TYW1B: variants seen among roughly 807,000 people sequenced by gnomAD.
The protein encoded by TYW1B is tRNA-yW synthesizing protein 1 homolog B, also known as S-adenosyl-L-methionine-dependent tRNA 4-demethylwyosine synthase TYW1B.
In TYW1B, 73 loss-of-function variants were observed where a neutral mutation model predicts 86.9. The observed-to-expected ratio is 0.84, with a 90% CI of 0.70 to 1.02. TYW1B has a LOEUF of 1.02. Ranked by LOEUF, TYW1B falls within the 50% of genes least tolerant of loss-of-function variation. The pLI is 0.00. For missense variants in TYW1B, 637 were observed against 827.4 expected (o/e 0.77, Z 2.82); for synonymous variants, 248 against 292.8 (o/e 0.85, Z 1.56).
At position 72,807,189 on chromosome 7, in the gene TYW1B, C is replaced by G. The variant is rs781985723; in HGVS notation, c.600G>C (p.Gly200=). ...FISQLQALQK[G]ERKKSCGGHC... is the part of the protein sequence containing the mutation. ...GGCCGCCACAGGACTTCTTTCTCTCCCCTTTCTGAAGTGCCTGCAGCTGGG... is the reference window on the plus strand; with the variant it reads ...GGCCGCCACAGGACTTCTTTCTCTCGCCTTTCTGAAGTGCCTGCAGCTGGG... Residue 200 remains glycine, a synonymous_variant, in exon 5 of 14, where the codon GGG becomes GGC. Coordinates refer to ENST00000620995, the MANE Select transcript of TYW1B (RefSeq NM_001145440.3). 1 of 1,613,976 alleles carries G rather than the reference C, an allele frequency of 6.2e-7. No homozygotes were observed. The highest frequency in any genetic ancestry group is 8.5e-7 in the Non-Finnish European group (1 of 1,179,958).
chr7:72,802,600 G>A (rs760788552), intron 5 of TYW1B, 78 bp from the exon 6 acceptor site: 8 of 1,562,014 alleles, frequency 5.1e-6, no homozygotes, highest in Admixed American at 2.1e-5. Flanking sequence ...CCCACACTGA[G>A]AATTCACTAT....
At chr7:72,773,712 G>T (rs1475788518) in intron 7 of TYW1B, among the ~76,000 whole-genome samples, 2 of 152,130 alleles carry the variant, frequency 1.3e-5, no homozygotes, top group African/African-American at 4.8e-5. Flanking sequence ...ACCATTTTTG[G>T]AAGACTAGAC....
intron 4 of TYW1B, among the ~76,000 whole-genome samples, chr7:72,809,999 C>CAAA (rs59099398): frequency 1.3e-5 from 1 of 75,944 alleles, no homozygotes; most frequent in African/African-American, 4.3e-5. Context: ...ACTCTGTTTC[C>CAAA]AAAAAAAAAA....
At chr7:72,810,999 C>CTT (rs1788600635) in intron 3 of TYW1B, among the ~76,000 whole-genome samples, 2 of 151,946 alleles carry the variant, frequency 1.3e-5, no homozygotes, top group Non-Finnish European at 2.9e-5. Flanking sequence ...AGGCCGGGTG[C>CTT]GGTGGCTCAA....
chr7:72,707,158 C>T (rs1554453809), intron 10 of TYW1B, among the ~76,000 whole-genome samples: 1 of 152,240 alleles, frequency 6.6e-6, no homozygotes, highest in Non-Finnish European at 1.5e-5. Context: ...TGACTTGAAG[C>T]TCCGCTGTGT....
chr7:72,778,059 G>C (rs185384110), intron 6 of TYW1B, among the ~76,000 whole-genome samples: 1 of 152,112 alleles, frequency 6.6e-6, no homozygotes, highest in Admixed American at 6.6e-5. Context: ...ATGCTCTTTT[G>C]TTAAGTAACT....
chr7:72,793,622 T>C (rs1239748345), intron 6 of TYW1B, among the ~76,000 whole-genome samples: 1 of 148,334 alleles, frequency 6.7e-6, no homozygotes, highest in Non-Finnish European at 1.5e-5. Context: ...CAGGCATGGT[T>C]GCAGGCGCCT....
intron 6 of TYW1B, among the ~76,000 whole-genome samples, chr7:72,798,199 C>T (rs1473125968): frequency 4.6e-5 from 7 of 151,744 alleles, no homozygotes; most frequent in African/African-American, 1.5e-4. Context: ...GTCAGGAGAT[C>T]GAGACCACGG....
chr7:72,808,585 T>C (rs1788539865), intron 4 of TYW1B, among the ~76,000 whole-genome samples: 1 of 147,768 alleles, frequency 6.8e-6, no homozygotes, highest in African/African-American at 2.5e-5. Context: ...TGGAGTGCAA[T>C]GGCACGACCT....
intron 3 of TYW1B, among the ~76,000 whole-genome samples, chr7:72,814,084 G>A (rs1310534108): frequency 1.1e-4 from 17 of 151,320 alleles, no homozygotes; most frequent in Non-Finnish European, 1.9e-4. Context: ...CTCTGATTCC[G>A]AAACCCATAC....
chr7:72,586,613 C>T (rs531694146), intron 13 of TYW1B, among the ~76,000 whole-genome samples: 2,026 of 151,460 alleles, frequency 0.013, 39 homozygotes, highest in African/African-American at 0.044. Context: ...GGTGCATGCC[C>T]GTAATCCCAG....
chr7:72,691,583 G>A (rs1461128902), intron 11 of TYW1B, among the ~76,000 whole-genome samples: 20 of 152,162 alleles, frequency 1.3e-4, no homozygotes, highest in African/African-American at 4.8e-4. Flanking sequence ...TTAAGCTATT[G>A]TGTTAATGTT....
chr7:72,637,466 T>A (rs1295686976), intron 11 of TYW1B, among the ~76,000 whole-genome samples: 4 of 152,026 alleles, frequency 2.6e-5, no homozygotes, highest in African/African-American at 9.7e-5. Context: ...CTATAGGATC[T>A]ATAGTGATGT....
chr7:72,701,229 T>C (rs1316001264), intron 10 of TYW1B, among the ~76,000 whole-genome samples: 56 of 152,186 alleles, frequency 3.7e-4, no homozygotes, highest in African/African-American at 1.3e-3. Flanking sequence ...TGTTTCTTTG[T>C]ATATCTTGTC....
chr7:72,800,321 C>G (rs1406542249), intron 6 of TYW1B, among the ~76,000 whole-genome samples: 1 of 151,992 alleles, frequency 6.6e-6, no homozygotes, highest in African/African-American at 2.4e-5. Context: ...CCTCAGCCTC[C>G]CAAGCAGTTG....
chr7:72,727,378 G>A (rs1399280071), intron 9 of TYW1B, among the ~76,000 whole-genome samples: 1 of 152,146 alleles, frequency 6.6e-6, no homozygotes, highest in African/African-American at 2.4e-5. Flanking sequence ...GTGGTAGGTA[G>A]AGACCAGAGC....
intron 7 of TYW1B, among the ~76,000 whole-genome samples, chr7:72,745,943 C>T (rs58075181): frequency 6.6e-6 from 1 of 151,488 alleles, no homozygotes; most frequent in South Asian, 2.1e-4. Flanking sequence ...TGACTCACTG[C>T]ACCCTCTGCC....
At chr7:72,810,720 C>G in intron 3 of TYW1B, 55 bp from the exon 4 acceptor site, 1 of 1,522,066 alleles carries the variant, frequency 6.6e-7, no homozygotes, top group Non-Finnish European at 8.8e-7. Flanking sequence ...ATTATCTCAA[C>G]GAAGAAAATC....
At chr7:72,774,731 AAAAT>A (rs1333125404) in intron 7 of TYW1B, among the ~76,000 whole-genome samples, 2 of 152,198 alleles carry the variant, frequency 1.3e-5, no homozygotes, top group South Asian at 2.1e-4. Context: ...ACTCCGTCTC[AAAAT>A]AAATAAATAA....
Sources: gnomAD v4.1 joint callset for allele counts (sites outside exome capture counted in the v4.1 genomes callset) on GRCh38, gnomAD v4.1.1 for gene constraint, MANE v1.5 for transcripts, NCBI Gene and HGNC (gene_info 2026-07-23, HGNC 2026-07-21) for gene names.